ZPLD1: variants seen among roughly 807,000 people sequenced by gnomAD.
The protein encoded by ZPLD1 is zona pellucida-like domain-containing protein 1.
ZPLD1 carries 34 observed loss-of-function variants against 47.2 expected under a neutral mutation model. The observed-to-expected ratio is 0.72, with a 90% CI of 0.55 to 0.96. ZPLD1 has a LOEUF of 0.96. ZPLD1 is among the 40% of genes least tolerant of loss of function. The pLI, the probability that ZPLD1 is intolerant of heterozygous loss-of-function variation, is 0.00. For missense variants in ZPLD1, 512 were observed against 505.8 expected (o/e 1.01, Z -0.12); for synonymous variants, 176 against 186.2 (o/e 0.95, Z 0.45).
chr3:102,428,641 TA>T (rs1033356333), intron 8 of ZPLD1, among the ~76,000 whole-genome samples: 1 of 151,618 alleles, frequency 6.6e-6, no homozygotes, highest in African/African-American at 2.4e-5. Context: ...TATCTGCTAT[TA>T]AAAAATCTCA....
intron 7 of ZPLD1, among the ~76,000 whole-genome samples, chr3:102,401,472 C>G (rs1706619442): frequency 6.6e-6 from 1 of 152,070 alleles, no homozygotes; most frequent in Non-Finnish European, 1.5e-5. Context: ...GAATTTCTCA[C>G]AGATTATGGG....
In ZPLD1 at chr3:102,479,620, T is replaced by C. The variant is rs1045341189; in HGVS notation, c.*2002T>C. On this transcript the variant is annotated 3_prime_UTR_variant, in exon 12 of 12. Coordinates refer to ENST00000466937, the MANE Select transcript of ZPLD1 (RefSeq NM_001329788.2). ...TGGAAGAATCAGAGTTATAATGAGA[T>C]AAACCAGGTCTGTTTTTTACAACTT... 1 of 152,200 alleles carries C rather than the reference T, an allele frequency of 6.6e-6. No individual in the cohort carries two copies. Among genetic ancestry groups the C allele is most frequent in the East Asian group, 1.9e-4 (1 of 5,196 alleles). The allele number at this position is 152,200 out of a possible 1,614,324, so 9.4% of individuals were successfully genotyped here. A position where few individuals can be genotyped will look rare whatever the true frequency, so the allele number is the denominator to read the frequency against.
chr3:102,395,076 T>A (rs1203863357), intron 7 of ZPLD1, among the ~76,000 whole-genome samples: 2 of 152,010 alleles, frequency 1.3e-5, no homozygotes, highest in East Asian at 3.9e-4. Flanking sequence ...AGGAAGTAGA[T>A]GATAACCTTT....
At position 102,425,805 on chromosome 3, in the gene ZPLD1, T is replaced by C. The variant is rs145214054; in HGVS notation, c.-9+7598T>C. On this transcript the variant is annotated intron_variant, in intron 8 of 17. Transcript: ENST00000491959. ...TCAATGCTTTCATTCTCCAATATCT[T>C]GACAACATTTACTTTGATCCTTTAA... is the stretch of plus-strand genomic sequence containing the variant. Among the ~76,000 whole-genome samples the C allele has an allele frequency of 1.3e-3, 192 of 151,972 alleles. 1 individual carries two copies. The highest frequency in any genetic ancestry group is 4.3e-3 in the African/African-American group (180 of 41,428).
chr3:102,438,686 G>A (rs574314171), intron 3 of ZPLD1, 93 bp downstream of exon 3: 2 of 886,516 alleles, frequency 2.3e-6, no homozygotes, highest in African/African-American at 1.7e-5. Context: ...AGAACGGGGG[G>A]CTATCTCTTT....
chr3:102,423,033 G>A (rs137926976), intron 8 of ZPLD1, among the ~76,000 whole-genome samples: 214 of 152,158 alleles, frequency 1.4e-3, no homozygotes, highest in African/African-American at 4.9e-3. Flanking sequence ...GTCTGTCAGT[G>A]GGAAGAAGGA....
intron 3 of ZPLD1, 67 bp from the exon 4 acceptor site, chr3:102,452,852 G>GATGTTA: frequency 6.6e-7 from 1 of 1,505,446 alleles, no homozygotes; most frequent in Non-Finnish European, 9.1e-7. Flanking sequence ...ATATCAGTAG[G>GATGTTA]ATGTTAATGT....
intron 7 of ZPLD1, among the ~76,000 whole-genome samples, chr3:102,402,607 A>G (rs1199477059): frequency 6.6e-6 from 1 of 152,006 alleles, no homozygotes; most frequent in African/African-American, 2.4e-5. Context: ...TGGCGACAAC[A>G]TTGCAGGCCT....
chr3:102,463,552 CTT>C (rs991294104), intron 7 of ZPLD1, among the ~76,000 whole-genome samples: 2 of 152,078 alleles, frequency 1.3e-5, no homozygotes, highest in Non-Finnish European at 2.9e-5. Flanking sequence ...TTTTTAAACA[CTT>C]TGAGTTCAGG....
chr3:102,468,586 A>T (rs1707633425), intron 8 of ZPLD1, among the ~76,000 whole-genome samples: 1 of 152,154 alleles, frequency 6.6e-6, no homozygotes, highest in East Asian at 1.9e-4. Flanking sequence ...ATAAGAATAC[A>T]TTGCTTCTGT....
At chr3:102,438,332 C>G in intron 2 of ZPLD1, 148 bp from the exon 3 acceptor site, 1 of 574,524 alleles carries the variant, frequency 1.7e-6, no homozygotes, top group Non-Finnish European at 3.2e-6. Context: ...CCTTTACTAC[C>G]GATAATCCTC....
At chr3:102,413,869 A>G (rs1462354027) in intron 7 of ZPLD1, among the ~76,000 whole-genome samples, 1 of 151,910 alleles carries the variant, frequency 6.6e-6, no homozygotes, top group Non-Finnish European at 1.5e-5. Context: ...TATAAAATTC[A>G]TATAAAATTT....
intron 3 of ZPLD1, among the ~76,000 whole-genome samples, chr3:102,442,273 A>G (rs756704063): frequency 2.6e-5 from 4 of 151,564 alleles, no homozygotes; most frequent in Non-Finnish European, 4.4e-5. Flanking sequence ...TAGGCAACAA[A>G]CACCCAAACT....
intron 7 of ZPLD1, among the ~76,000 whole-genome samples, chr3:102,410,634 A>G (rs115945741): frequency 0.01 from 1,533 of 148,958 alleles, 15 homozygotes; most frequent in Non-Finnish European, 0.015. Context: ...TCAGCAACCT[A>G]ACATTGGTCT....
At chr3:102,460,933 A>G (rs1041127226) in intron 6 of ZPLD1, among the ~76,000 whole-genome samples, 2 of 151,956 alleles carry the variant, frequency 1.3e-5, no homozygotes, top group Non-Finnish European at 2.9e-5. Context: ...ATAATCACAT[A>G]AAAATACTAC....
chr3:102,403,043 C>A (rs1307668424), intron 7 of ZPLD1, among the ~76,000 whole-genome samples: 1 of 151,882 alleles, frequency 6.6e-6, no homozygotes, highest in African/African-American at 2.4e-5. Context: ...GCCCACTTCC[C>A]ACCCCTACTT....
chr3:102,397,671 C>T (rs1281463145), intron 7 of ZPLD1, among the ~76,000 whole-genome samples: 1 of 152,098 alleles, frequency 6.6e-6, no homozygotes, highest in African/African-American at 2.4e-5. Flanking sequence ...CTGTGCATTG[C>T]TACTCCTGCA....
intron 2 of ZPLD1, among the ~76,000 whole-genome samples, chr3:102,438,085 A>G (rs1707118900): frequency 6.6e-6 from 1 of 152,184 alleles, no homozygotes. Flanking sequence ...CTCTGACTAT[A>G]TACTTGTTGG....
intron 3 of ZPLD1, among the ~76,000 whole-genome samples, chr3:102,443,312 A>G (rs1479082621): frequency 6.6e-6 from 1 of 152,214 alleles, no homozygotes; most frequent in Non-Finnish European, 1.5e-5. Flanking sequence ...CCATGTTTTG[A>G]GTACCAGGCA....
Sources: allele counts gnomAD v4.1 joint callset (sites outside exome capture counted in the v4.1 genomes callset), GRCh38; gene constraint gnomAD v4.1.1; transcripts MANE v1.5; gene names NCBI Gene and HGNC (gene_info 2026-07-23, HGNC 2026-07-21).